Variants in TRDMT1 observed in about 807,000 individuals in gnomAD.
TRDMT1 encodes the protein tRNA aspartic acid methyltransferase 1, also known as tRNA (cytosine(38)-C(5))-methyltransferase.
In TRDMT1, 49 loss-of-function variants were observed where a neutral mutation model predicts 51.2. The ratio of observed to expected loss-of-function variants is 0.96; its 90% confidence interval spans 0.76 to 1.21. TRDMT1 has a LOEUF of 1.21. Ranked by LOEUF, TRDMT1 falls within the 50% of genes most tolerant of loss-of-function variation. The pLI is 0.00. For synonymous variants in TRDMT1, 187 were observed against 164.6 expected (o/e 1.14, Z -1.04); for missense variants, 534 against 462.3 (o/e 1.16, Z -1.42).
At chr10:17,170,329 A>C (rs1312701732) in intron 2 of TRDMT1, among the ~76,000 whole-genome samples, 2 of 152,240 alleles carry the variant, frequency 1.3e-5, no homozygotes, top group African/African-American at 4.8e-5. Flanking sequence ...TGGATTAAAT[A>C]AAGTAGTCAT....
chr10:17,164,961 T>A (rs1840967664), intron 3 of TRDMT1, among the ~76,000 whole-genome samples: 1 of 152,136 alleles, frequency 6.6e-6, no homozygotes, highest in African/African-American at 2.4e-5. Context: ...AATTTATAGA[T>A]TCAATGCCAT....
intron 1 of TRDMT1, among the ~76,000 whole-genome samples, chr10:17,191,147 G>A (rs557192206): frequency 2.0e-5 from 3 of 152,170 alleles, no homozygotes; most frequent in Non-Finnish European, 4.4e-5. Flanking sequence ...GGAGCCTGGA[G>A]TAGAGTGAGC....
chr10:17,173,772 CTTTTTT>C (rs34140507), intron 2 of TRDMT1, among the ~76,000 whole-genome samples: 2 of 121,006 alleles, frequency 1.7e-5, no homozygotes, highest in Non-Finnish European at 1.7e-5. Flanking sequence ...AACACAATTT[CTTTTTT>C]TTTTTTTTTT....
At position 17,141,537 on chromosome 10, in the gene TRDMT1, T is replaced by C. The variant is rs1296235667; in HGVS notation, c.*7503A>G. On this transcript the variant is annotated 3_prime_UTR_variant, in exon 11 of 11. Transcript: ENST00000377799. The stretch of plus-strand genomic sequence containing the variant: ...AAATGCTCTTTCAGCTCCATTTTTT[T>C]CCCCTCTACTTCTGGCACCCCAAAC... Among the ~76,000 whole-genome samples the C allele has an allele frequency of 1.3e-5, 2 of 151,924 alleles. No individual in the cohort carries two copies. Among genetic ancestry groups the C allele is most frequent in the African/African-American group, 2.4e-5 (1 of 41,362 alleles).
Position 17,139,052 on chromosome 10 carries a change from A to G in TRDMT1, c.*9988T>C. ...AAAGGCTCCAAAAGCTAGTAAAAAAATCAACAGAGCTTTCTCTACCTCCAA... is the reference window on the plus strand; with the variant it reads ...AAAGGCTCCAAAAGCTAGTAAAAAAGTCAACAGAGCTTTCTCTACCTCCAA... On this transcript the variant is annotated 3_prime_UTR_variant, in exon 11 of 11. Transcript: ENST00000377799. 6.2e-6 allele frequency: 3 copies of G among 486,374 alleles called. No individual in the cohort carries two copies. Among genetic ancestry groups the G allele is most frequent in the Non-Finnish European group, 8.0e-6 (3 of 374,028 alleles). 30.1% of individuals were successfully genotyped at this position (486,374 alleles called of 1,614,324 possible).
intron 1 of TRDMT1, among the ~76,000 whole-genome samples, chr10:17,185,254 T>C (rs1265232739): frequency 6.6e-6 from 1 of 152,162 alleles, no homozygotes; most frequent in African/African-American, 2.4e-5. Flanking sequence ...AGGTGTGATT[T>C]AAAAATCGTC....
chr10:17,200,953 T>C (rs1391567086), intron 1 of TRDMT1, among the ~76,000 whole-genome samples: 1 of 152,190 alleles, frequency 6.6e-6, no homozygotes, highest in Non-Finnish European at 1.5e-5. Flanking sequence ...GTTCACGAAG[T>C]AGCCCAACGT....
intron 2 of TRDMT1, among the ~76,000 whole-genome samples, chr10:17,173,858 G>T (rs1842335415): frequency 6.6e-6 from 1 of 150,876 alleles, no homozygotes; most frequent in South Asian, 2.1e-4. Context: ...TCCGCCTCCT[G>T]GGTTCAAGCG....
In TRDMT1 at chr10:17,149,087, G is replaced by C. The variant is rs1244569112; in HGVS notation, c.1129C>G (p.Leu377Val). The change falls in exon 11 of 11, where the codon CTC becomes GTC. Residue 377 changes from leucine to valine, a missense_variant. Coordinates refer to ENST00000377799, the MANE Select transcript of TRDMT1 (RefSeq NM_004412.7). Reference protein sequence around the residue: ...KQRYRLLGNSLNVHVVAKLIK... With the variant: ...KQRYRLLGNSVNVHVVAKLIK... Reference sequence around the variant, plus strand: ...AGTTTAGCTACTACATGCACGTTGAGACTATTTCCAAGTAGGCGATAACGC... The same window carrying C: ...AGTTTAGCTACTACATGCACGTTGACACTATTTCCAAGTAGGCGATAACGC... The C allele has an allele frequency of 6.2e-7, 1 of 1,611,696 alleles. No individual in the cohort carries two copies. The highest frequency in any genetic ancestry group is 1.7e-5 in the Admixed American group (1 of 59,844).
intron 1 of TRDMT1, among the ~76,000 whole-genome samples, chr10:17,185,587 G>C (rs1323565853): frequency 6.6e-6 from 1 of 152,106 alleles, no homozygotes; most frequent in Non-Finnish European, 1.5e-5. Context: ...AAATCATGCT[G>C]CCATAAAGAC....
chr10:17,148,063 T>C lies in TRDMT1; in HGVS notation c.*977A>G. ...CTCTCTTCTCTTTGTCACTTGCTTT[T>C]ATCACAAACCATAGAATTTATGATG... On this transcript the variant is annotated 3_prime_UTR_variant, in exon 11 of 11. Coordinates refer to ENST00000377799, the MANE Select transcript of TRDMT1 (RefSeq NM_004412.7). The C allele has an allele frequency of 1.0e-6, 1 of 985,354 alleles. No individual in the cohort carries two copies. The highest frequency in any genetic ancestry group is 4.7e-5 in the South Asian group (1 of 21,284). The allele number at this position is 985,354 out of a possible 1,614,324, so 61.0% of individuals were successfully genotyped here.
At position 17,168,875 on chromosome 10, in the gene TRDMT1, T is replaced by C. The variant is rs1206570370; in HGVS notation, c.217A>G (p.Ile73Val). The C allele has an allele frequency of 6.2e-7, 1 of 1,612,876 alleles. No homozygotes were observed. The highest frequency in any genetic ancestry group is 1.1e-5 in the South Asian group (1 of 90,976). Residue 73 changes from isoleucine to valine, a missense_variant, in exon 3 of 11, where the codon ATT (isoleucine) becomes GTT (valine). Ile to Val is a conservative substitution (Grantham distance 29). Coordinates refer to ENST00000377799, the MANE Select transcript of TRDMT1 (RefSeq NM_004412.7). The part of the protein sequence containing the change: ...EEFDRLSFDM[I>V]LMSPPCQPFT... ...GGCTGGCAGGGAGGGCTCATTAAAA[T>C]CATATCAAAAGATAATCTGTCAAAC...
chr10:17,175,414 T>G (rs1458104175), intron 1 of TRDMT1, among the ~76,000 whole-genome samples: 1 of 152,178 alleles, frequency 6.6e-6, no homozygotes, highest in Non-Finnish European at 1.5e-5. Context: ...TAGCCGAAAT[T>G]GGAACTCCAC....
chr10:17,146,564 G>A lies in TRDMT1; in HGVS notation c.*2476C>T. On this transcript the variant is annotated 3_prime_UTR_variant, in exon 11 of 11. Coordinates refer to ENST00000377799, the MANE Select transcript of TRDMT1 (RefSeq NM_004412.7). ...AGACATACTAAAAATATGAAGCAGGGTAATAAATACCTTACAATTATCTGG... is the reference window on the plus strand; with the variant it reads ...AGACATACTAAAAATATGAAGCAGGATAATAAATACCTTACAATTATCTGG... 1 of 985,120 alleles carries A rather than the reference G, an allele frequency of 1.0e-6. No homozygotes were observed. The allele number at this position is 985,120 out of a possible 1,614,324, so 61.0% of individuals were successfully genotyped here. A position where few individuals can be genotyped will look rare whatever the true frequency, so the allele number is the denominator to read the frequency against.
At chr10:17,150,683 T>C (rs1012866740) in intron 10 of TRDMT1, 2 of 984,760 alleles carry the variant, frequency 2.0e-6, no homozygotes, top group Non-Finnish European at 2.4e-6. Context: ...CATATACTCA[T>C]GAGGACAGGA....
intron 2 of TRDMT1, among the ~76,000 whole-genome samples, chr10:17,172,475 T>C (rs987722495): frequency 6.6e-5 from 10 of 152,082 alleles, no homozygotes; most frequent in African/African-American, 1.9e-4. Context: ...CTGGGCAACA[T>C]AGTGAGACCC....
At chr10:17,198,304 T>C (rs1275775915) in intron 1 of TRDMT1, among the ~76,000 whole-genome samples, 1 of 152,218 alleles carries the variant, frequency 6.6e-6, no homozygotes, top group Non-Finnish European at 1.5e-5. Flanking sequence ...GCTAGGTCTA[T>C]ACCCCAAAAC....
rs530619477 is a variant in TRDMT1, at chr10:17,156,517, G to A, written c.887+924C>T. 1.6e-4 allele frequency among the ~76,000 whole-genome samples: 24 copies of A among 152,226 alleles called. 1 individual carries two copies. In the South Asian group the frequency reaches 4.6e-3, roughly 29 times the overall value. ...CCCAAAGTGTTGGGATTACAGGCAT[G>A]AGCCAGCGTGCCCGGCCAAAATTTT... On this transcript the variant is annotated intron_variant, in intron 8 of 10. Coordinates refer to ENST00000377799, the MANE Select transcript of TRDMT1 (RefSeq NM_004412.7).
At chr10:17,166,775 G>A (rs895978151) in intron 3 of TRDMT1, among the ~76,000 whole-genome samples, 5 of 152,186 alleles carry the variant, frequency 3.3e-5, no homozygotes, top group Non-Finnish European at 5.9e-5. Flanking sequence ...TAAGACAAGG[G>A]GGAGGTGGGA....
Sources: gnomAD v4.1 joint callset for allele counts (sites outside exome capture counted in the v4.1 genomes callset) on GRCh38, gnomAD v4.1.1 for gene constraint, MANE v1.5 for transcripts, NCBI Gene and HGNC (gene_info 2026-07-23, HGNC 2026-07-21) for gene names.